Variants in UTRN observed in about 807,000 individuals in gnomAD.
UTRN encodes dystrophin-related protein 1.
In UTRN, 283 loss-of-function variants were observed where a neutral mutation model predicts 463.9. That is an observed-to-expected ratio of 0.61 (90% confidence interval 0.55 to 0.67). The LOEUF is 0.67. Among genes scored for constraint, UTRN ranks in the 30% least tolerant of loss-of-function variants. UTRN has a pLI of 0.00. For missense variants in UTRN, 3,922 were observed against 4,084.3 expected (o/e 0.96, Z 1.08); for synonymous variants, 1,442 against 1,431.5 (o/e 1.01, Z -0.17).
In UTRN at chr6:144,782,064, G is replaced by C; in HGVS notation, c.8775G>C (p.Leu2925=). ...GACTTGAGCAAATGCATAAGGACCT[G>C]GTCAACGTTCCACTCTGTGTTGATA... The part of the protein sequence containing the change: ...YDGLEQMHKD[L]VNVPLCVDMC... The change falls in exon 61 of 75, where the codon CTG becomes CTC. Residue 2925 remains leucine, a synonymous_variant. Coordinates refer to ENST00000367545, the MANE Select transcript of UTRN (RefSeq NM_007124.3). 6.2e-7 allele frequency: 1 copy of C among 1,613,918 alleles called. No individual in the cohort carries two copies. The highest frequency in any genetic ancestry group is 8.5e-7 in the Non-Finnish European group (1 of 1,179,930).
intron 51 of UTRN, among the ~76,000 whole-genome samples, chr6:144,654,299 G>A (rs1779114965): frequency 6.6e-6 from 1 of 152,200 alleles, no homozygotes; most frequent in Non-Finnish European, 1.5e-5. Flanking sequence ...TAGCCTCCAA[G>A]CATGAGAGAA....
chr6:144,447,706 G>A lies in UTRN; in HGVS notation c.1827G>A (p.Lys609=). 6 of 1,614,058 alleles carry A rather than the reference G, an allele frequency of 3.7e-6. No individual in the cohort carries two copies. The highest frequency in any genetic ancestry group is 5.1e-6 in the Non-Finnish European group (6 of 1,179,948). ...TTGATAATTCCAAGGCATCTAAGAAGATCAACAGTGACTCAGAGGAACTGA... is the reference window on the plus strand; with the variant it reads ...TTGATAATTCCAAGGCATCTAAGAAAATCAACAGTGACTCAGAGGAACTGA... ...QLLDNSKASK[K]INSDSEELTQ... The change falls in exon 16 of 75, where the codon AAG becomes AAA. Residue 609 remains lysine, a synonymous_variant. Transcript: ENST00000367545.
intron 61 of UTRN, among the ~76,000 whole-genome samples, chr6:144,787,864 AATAAAAACCT>A (rs1245720804): frequency 1.3e-5 from 2 of 152,186 alleles, no homozygotes; most frequent in Admixed American, 1.3e-4. Flanking sequence ...GAAAATGGAC[AATAAAAACCT>A]AAAATGAAAA....
intron 2 of UTRN, among the ~76,000 whole-genome samples, chr6:144,397,531 T>C (rs531115120): frequency 2.9e-4 from 44 of 152,330 alleles, no homozygotes; most frequent in African/African-American, 1.1e-3. Flanking sequence ...TGAAAACTTC[T>C]GAAATTTGGA....
At chr6:144,707,278 T>C (rs959012127) in intron 53 of UTRN, among the ~76,000 whole-genome samples, 3 of 152,010 alleles carry the variant, frequency 2.0e-5, no homozygotes, top group East Asian at 3.9e-4. Flanking sequence ...AGGGTTAAAG[T>C]TGATGAAATA....
intron 2 of UTRN, among the ~76,000 whole-genome samples, chr6:144,347,264 C>A (rs1216736998): frequency 6.6e-6 from 1 of 152,222 alleles, no homozygotes; most frequent in Non-Finnish European, 1.5e-5. Context: ...GCCCCACAGT[C>A]AGAGATCGTG....
intron 12 of UTRN, 100 bp downstream of exon 12, chr6:144,438,995 G>T: frequency 7.7e-7 from 1 of 1,299,000 alleles, no homozygotes. Flanking sequence ...ATGAAGTTGG[G>T]ACACTTCTTC....
intron 1 of UTRN, among the ~76,000 whole-genome samples, chr6:144,288,237 T>A (rs1301009766): frequency 6.6e-6 from 1 of 152,236 alleles, no homozygotes; most frequent in South Asian, 2.1e-4. Flanking sequence ...ATTTTCATTA[T>A]CAAGAAGAGA....
In UTRN at chr6:144,839,262, C is replaced by G; in HGVS notation, c.10155C>G (p.Ser3385=). The change falls in exon 72 of 75, where the codon TCC becomes TCG. Residue 3385 remains serine (S), a synonymous_variant. Coordinates refer to ENST00000367545, the MANE Select transcript of UTRN (RefSeq NM_007124.3). ...GCTACTCGCTTGATCCAGATGCCTC[C>G]GGCCCACAGTTCCACCAGGCAGGTC... ...ALSYSLDPDA[S]GPQFHQAAGE... 1 of 1,613,724 alleles carries G rather than the reference C, an allele frequency of 6.2e-7. No individual in the cohort carries two copies. Among genetic ancestry groups the G allele is most frequent in the Non-Finnish European group, 8.5e-7 (1 of 1,179,902 alleles).
Position 144,473,787 on chromosome 6 carries a change from C to A in UTRN, c.3134C>A (p.Ala1045Asp). The change falls in exon 24 of 75, where the codon GCC (alanine) becomes GAC (aspartate). Residue 1045 changes from alanine (A) to aspartate (D), a missense_variant. Ala to Asp is a moderately radical substitution (Grantham distance 126). This residue lies in a region of UTRN where 2,349 missense variants were observed against 2,303.8 expected (regional missense o/e 1.02). Coordinates refer to ENST00000367545, the MANE Select transcript of UTRN (RefSeq NM_007124.3). ...GACTTCTTAATGAAACAGCAGGCTG[C>A]CCAAGGAGACGACGCAGGTCTACAG... The part of the protein sequence containing the change: ...VKDFLMKQQA[A>D]QGDDAGLQRQ... 1 of 1,614,038 alleles carries A rather than the reference C, an allele frequency of 6.2e-7. No homozygotes were observed. Among genetic ancestry groups the A allele is most frequent in the South Asian group, 1.1e-5 (1 of 91,062 alleles).
chr6:144,558,670 A>T (rs1799596779), intron 50 of UTRN, among the ~76,000 whole-genome samples: 1 of 152,176 alleles, frequency 6.6e-6, no homozygotes, highest in African/African-American at 2.4e-5. Context: ...ACAATCAGAC[A>T]AAGCAGGTTA....
intron 54 of UTRN, among the ~76,000 whole-genome samples, chr6:144,739,896 G>A (rs1046005112): frequency 1.3e-5 from 2 of 152,162 alleles, no homozygotes; most frequent in Non-Finnish European, 2.9e-5. Context: ...GCTAAATGGA[G>A]GAAGAATCCA....
Position 144,291,901 on chromosome 6 carries a change from A to G in UTRN, c.73A>G (p.Arg25Gly). ...QNEFSDIIKSRSDEHNDVQKK... is the reference protein window; with the variant it reads ...QNEFSDIIKSGSDEHNDVQKK... ...CGAATTCAGTGATATCATTAAGTCCAGATCTGGTAGGTAAAGGAAGCTCAA... is the reference window on the plus strand; with the variant it reads ...CGAATTCAGTGATATCATTAAGTCCGGATCTGGTAGGTAAAGGAAGCTCAA... The change falls in exon 2 of 75, where the codon AGA (arginine) becomes GGA (glycine). Residue 25 changes from arginine (R) to glycine (G), a missense_variant. Transcript: ENST00000367545. 1 of 1,609,922 alleles carries G rather than the reference A, an allele frequency of 6.2e-7. No homozygotes were observed. The highest frequency in any genetic ancestry group is 8.5e-7 in the Non-Finnish European group (1 of 1,178,112).
rs1330105861 is a variant in UTRN, at chr6:144,479,813, T to C, written c.3338T>C (p.Ile1113Thr). 1.2e-6 allele frequency: 2 copies of C among 1,612,536 alleles called. No homozygotes were observed. Among genetic ancestry groups the C allele is most frequent in the Non-Finnish European group, 8.5e-7 (1 of 1,179,304 alleles). Reference sequence around the variant, plus strand: ...GGGGGAATGGCTTTTCCTTTGTAGATCGCTACTCAAAAAAGTAGGTTGTCT... The same window carrying C: ...GGGGGAATGGCTTTTCCTTTGTAGACCGCTACTCAAAAAAGTAGGTTGTCT... ...QTQLEKLSKE[I>T]ATQKSRLSES... The change falls in exon 26 of 75, where the codon ATC (isoleucine) becomes ACC (threonine). Residue 1113 changes from isoleucine to threonine, a missense_variant and splice_region_variant. By Grantham distance (89) the Ile-to-Thr change is moderately conservative. This residue lies in a region of UTRN where 2,349 missense variants were observed against 2,303.8 expected (regional missense o/e 1.02). Coordinates refer to ENST00000367545, the MANE Select transcript of UTRN (RefSeq NM_007124.3).
intron 51 of UTRN, among the ~76,000 whole-genome samples, chr6:144,622,872 G>C (rs1319998491): frequency 6.6e-6 from 1 of 152,162 alleles, no homozygotes; most frequent in East Asian, 1.9e-4. Context: ...GATGATACCT[G>C]TTTCATTCTG....
intron 3 of UTRN, among the ~76,000 whole-genome samples, chr6:144,408,903 G>A (rs747496833): frequency 1.3e-5 from 2 of 152,202 alleles, no homozygotes; most frequent in African/African-American, 2.4e-5. Flanking sequence ...AGGCTGACAG[G>A]CTTCCTGTGT....
At chr6:144,678,082 C>A (rs887006515) in intron 51 of UTRN, among the ~76,000 whole-genome samples, 3 of 151,876 alleles carry the variant, frequency 2.0e-5, no homozygotes, top group African/African-American at 7.2e-5. Flanking sequence ...TCTTTTGCTG[C>A]CCAGAGTAAT....
Position 144,797,807 on chromosome 6 carries a change from A to T in UTRN, c.9079-17A>T. The T allele has an allele frequency of 6.2e-7, 1 of 1,610,276 alleles. No homozygotes were observed. ...GAAGGCATTTCTTCACTTTTAATATATTTCTTTTTTCACCAGAATAACAAT... is the reference window on the plus strand; with the variant it reads ...GAAGGCATTTCTTCACTTTTAATATTTTTCTTTTTTCACCAGAATAACAAT... On this transcript the variant is annotated splice_polypyrimidine_tract_variant and intron_variant, in intron 63 of 74. Transcript: ENST00000367545.
Position 144,518,501 on chromosome 6 carries a change from G to A in UTRN, c.5541+1553G>A, listed in dbSNP as rs373207312. On this transcript the variant is annotated intron_variant, in intron 39 of 74. Transcript: ENST00000367545. ...TCTGGGAACTTATTAATTTTATTCC[G>A]ATTCCCTAGAGTGAGTTTTGTCTTT... 1.2e-4 allele frequency among the ~76,000 whole-genome samples: 19 copies of A among 152,184 alleles called. No homozygotes were observed. The South Asian group carries it at 1.5e-3, about 12-fold the overall frequency.
Sources: gnomAD v4.1 joint callset for allele counts (sites outside exome capture counted in the v4.1 genomes callset) on GRCh38, gnomAD v4.1.1 for gene constraint, gnomAD v4.1.1 regional missense constraint, MANE v1.5 for transcripts, NCBI Gene and HGNC (gene_info 2026-07-23, HGNC 2026-07-21) for gene names.